The following MID1 variants were observed in gnomAD, a reference collection of about 807,000 sequenced individuals.
MID1 encodes the protein E3 ubiquitin-protein ligase Midline-1.
In MID1, 7 loss-of-function variants were observed where a neutral mutation model predicts 40.4. The ratio of observed to expected loss-of-function variants is 0.17; its 90% CI spans 0.10 to 0.33. The LOEUF (loss-of-function observed/expected upper bound fraction) is 0.33, where lower values mean the gene tolerates loss of function less well. MID1 is among the 10% of genes least tolerant of loss of function. The probability of loss-of-function intolerance (pLI) is 1.00; values close to 1 mark genes in which losing one functional copy is unlikely to be tolerated. For synonymous variants in MID1, 229 were observed against 221.2 expected (o/e 1.04, Z -0.31); for missense variants, 367 against 558.5 (o/e 0.66, Z 3.46).
chrX:10,826,750 A>G (rs1251300762), intron 1 of MID1, among the ~76,000 whole-genome samples: 1 of 112,206 alleles, frequency 8.9e-6, no homozygotes, highest in Admixed American at 9.4e-5. Context: ...ACCTTTACTC[A>G]TGTCTGTGTG....
intron 1 of MID1, among the ~76,000 whole-genome samples, chrX:10,578,176 T>G (rs1934922066): frequency 8.9e-6 from 1 of 112,776 alleles, no homozygotes; most frequent in East Asian, 2.8e-4. Context: ...CTCTCCAAAT[T>G]ATAACTTCAT....
chrX:10,526,324 GTT>G (rs759969658), intron 2 of MID1, among the ~76,000 whole-genome samples: 1 of 104,180 alleles, frequency 9.6e-6, no homozygotes, highest in African/African-American at 3.5e-5. Context: ...AAAAGCCAAA[GTT>G]TTTTTTTTTT....
chrX:10,800,046 C>T (rs1051342332), intron 1 of MID1, among the ~76,000 whole-genome samples: 5 of 111,116 alleles, frequency 4.5e-5, no homozygotes, highest in African/African-American at 1.6e-4. Flanking sequence ...ACCAAATGGT[C>T]CCTGCCTCCC....
Position 10,501,782 on chromosome X carries a change from C to T in MID1, c.757-6091G>A, listed in dbSNP as rs754869852. Among the ~76,000 whole-genome samples, 21 of 111,320 alleles carry T rather than the reference C, an allele frequency of 1.9e-4. No individual in the cohort carries two copies. The South Asian group carries it at 3.9e-3, about 21-fold the overall frequency. On this transcript the variant is annotated intron_variant, in intron 3 of 9. Coordinates refer to ENST00000317552, the MANE Select transcript of MID1 (RefSeq NM_000381.4). ...GAAATGCAGTTACGCGTAATCATTCCCCAGATTAGTTAATGATGACATAAA... is the reference window on the plus strand; with the variant it reads ...GAAATGCAGTTACGCGTAATCATTCTCCAGATTAGTTAATGATGACATAAA...
At chrX:10,671,246 C>T in intron 1 of MID1, among the ~76,000 whole-genome samples, 1 of 111,887 alleles carries the variant, frequency 8.9e-6, no homozygotes, top group Non-Finnish European at 1.9e-5. Flanking sequence ...TTAAGCAAGG[C>T]AGTAGAGTGT....
chrX:10,765,657 G>C (rs762472311), intron 1 of MID1, among the ~76,000 whole-genome samples: 5 of 111,391 alleles, frequency 4.5e-5, no homozygotes, highest in Admixed American at 2.9e-4. Context: ...TAAAGAGTGA[G>C]TCAAAAAATT....
chrX:10,674,227 G>T (rs1472085157), intron 1 of MID1, among the ~76,000 whole-genome samples: 1 of 112,401 alleles, frequency 8.9e-6, no homozygotes, highest in Non-Finnish European at 1.9e-5. Context: ...ATGTGAGAGG[G>T]TTATTGATTA....
chrX:10,711,324 C>T (rs2043266251), intron 1 of MID1, among the ~76,000 whole-genome samples: 1 of 112,094 alleles, frequency 8.9e-6, no homozygotes, highest in African/African-American at 3.2e-5. Context: ...AGAGCTCACC[C>T]TCGTTCCAGA....
At chrX:10,762,991 A>G (rs184843189) in intron 1 of MID1, among the ~76,000 whole-genome samples, 2 of 111,660 alleles carry the variant, frequency 1.8e-5, no homozygotes, top group Non-Finnish European at 3.8e-5. Flanking sequence ...GATTTTGCCA[A>G]GAGTGGGCAA....
chrX:10,473,398 C>T (rs1929819233), intron 6 of MID1, among the ~76,000 whole-genome samples: 1 of 111,953 alleles, frequency 8.9e-6, no homozygotes, highest in African/African-American at 3.2e-5. Context: ...GAGAGAGTTA[C>T]ATAAGATAAG....
At chrX:10,795,454 G>A (rs1025902005) in intron 1 of MID1, among the ~76,000 whole-genome samples, 3 of 111,723 alleles carry the variant, frequency 2.7e-5, no homozygotes, top group Non-Finnish European at 5.6e-5. Flanking sequence ...CTTATAGGAC[G>A]ACTCCCTGAC....
At chrX:10,724,978 GT>G (rs1365936171) in intron 1 of MID1, among the ~76,000 whole-genome samples, 1 of 112,019 alleles carries the variant, frequency 8.9e-6, no homozygotes, top group African/African-American at 3.2e-5. Flanking sequence ...ACCTGTGGGG[GT>G]ATTAGCTTTC....
At chrX:10,686,576 C>G (rs2043099373) in intron 1 of MID1, among the ~76,000 whole-genome samples, 1 of 112,293 alleles carries the variant, frequency 8.9e-6, no homozygotes. Context: ...AAGGGTAAAG[C>G]TTTCCCTTAG....
chrX:10,717,906 T>C (rs1387155862), intron 1 of MID1, among the ~76,000 whole-genome samples: 1 of 111,323 alleles, frequency 9.0e-6, no homozygotes, highest in East Asian at 2.8e-4. Context: ...TCAAAACCGC[T>C]CAACTAAATG....
rs759366381 is a variant in MID1 at position 10,663,218 on chromosome X, A to G, written c.-186-42799T>C. Among the ~76,000 whole-genome samples, 4 of 111,265 alleles carry G rather than the reference A, an allele frequency of 3.6e-5. No homozygotes were observed. In the South Asian group the frequency reaches 1.5e-3, roughly 43 times the overall value. On this transcript the variant is annotated intron_variant, in intron 1 of 10. Transcript: ENST00000380785. ...TCCCAGTGTCCTACAACCATCATCAACATCTAATTTTAGAACAGCTTTATC... is the reference window on the plus strand; with the variant it reads ...TCCCAGTGTCCTACAACCATCATCAGCATCTAATTTTAGAACAGCTTTATC...
At chrX:10,492,283 G>T (rs745481949) in intron 4 of MID1, among the ~76,000 whole-genome samples, 1 of 111,746 alleles carries the variant, frequency 8.9e-6, no homozygotes, top group African/African-American at 3.2e-5. Flanking sequence ...AGAAATTTAA[G>T]ATTTCTTTAT....
Position 10,814,293 on chromosome X carries a change from T to A in MID1, c.-187+19261A>T, listed in dbSNP as rs774028807. On this transcript the variant is annotated intron_variant, in intron 1 of 10. Coordinates refer to the MID1 transcript ENST00000380785. ...AGTAGACAAGAAGATCTGTTGATAA[T>A]TAATTAGTGAAAAACTACTGAATAT... Among the ~76,000 whole-genome samples the A allele has an allele frequency of 8.1e-5, 9 of 111,620 alleles. No individual in the cohort carries two copies. The South Asian group carries it at 3.4e-3, about 42-fold the overall frequency.
chrX:10,691,268 T>G (rs1404633530), intron 1 of MID1, among the ~76,000 whole-genome samples: 1 of 111,813 alleles, frequency 8.9e-6, no homozygotes, highest in African/African-American at 3.3e-5. Flanking sequence ...CCAGGTGCAG[T>G]GGCTCACACC....
chrX:10,449,295 T>G lies in MID1; in HGVS notation c.*73A>C, dbSNP rs775181770. The stretch of plus-strand genomic sequence containing the variant: ...GATTTCATTACACTCATGAAGCCTG[T>G]GCTTTCTCAGTCCCCTAAATAGTGG... On this transcript the variant is annotated 3_prime_UTR_variant, in exon 10 of 10. Coordinates refer to ENST00000317552, the MANE Select transcript of MID1 (RefSeq NM_000381.4). 2.6e-4 allele frequency: 235 copies of G among 911,315 alleles called. No homozygotes were observed. The Middle Eastern group carries it at 6.2e-3, about 24-fold the overall frequency. 75.1% of individuals were successfully genotyped at this position (911,315 alleles called of 1,213,427 possible).
Sources: gnomAD v4.1 joint callset for allele counts (sites outside exome capture counted in the v4.1 genomes callset) on GRCh38, gnomAD v4.1.1 for gene constraint, MANE v1.5 for transcripts, NCBI Gene and HGNC (gene_info 2026-07-23, HGNC 2026-07-21) for gene names.